MUC5B: variants seen among roughly 807,000 people sequenced by gnomAD.
MUC5B encodes mucin 5B, oligomeric mucus/gel-forming.
A neutral mutation model predicts 376.9 loss-of-function variants in MUC5B; 116 were observed. That is an observed-to-expected ratio of 0.31 (90% CI 0.26 to 0.36). The LOEUF is 0.36. Among genes scored for constraint, MUC5B ranks in the 10% least tolerant of loss-of-function variants. The probability of loss-of-function intolerance (pLI) is 1.00; values close to 1 mark genes in which losing one functional copy is unlikely to be tolerated. For missense variants in MUC5B, 7,165 were observed against 7,769.9 expected, an observed-to-expected ratio of 0.92 and a Z score of 2.93; for synonymous variants, 3,517 against 3,390.9, an observed-to-expected ratio of 1.04 and a Z score of -1.29.
chr11:1,257,575 G>A lies in MUC5B; in HGVS notation c.16315G>A (p.Glu5439Lys), dbSNP rs747417132. 7 of 1,607,588 alleles carry A rather than the reference G, an allele frequency of 4.4e-6. No homozygotes were observed. In the South Asian group the frequency reaches 5.5e-5, roughly 13 times the overall value. The part of the protein sequence containing the change: ...VSNCQSCVCD[E>K]GSVSVQCKPL... ...CAACTGCCAGTCCTGCGTGTGTGAC[G>A]AGGGTTCAGTGTCGGTGCAGTGCAA... is the stretch of plus-strand genomic sequence containing the variant. The change falls in exon 41 of 49, where the codon GAG becomes AAG. Residue 5439 changes from glutamate (E) to lysine (K), a missense_variant. Transcript: ENST00000529681. This position sits in a 1 kb window ranked among gnomAD's most constrained non-coding sequence, Gnocchi z 8.9.
chr11:1,252,692 C>T (rs1404994633), intron 32 of MUC5B, 117 bp from the exon 33 acceptor site: 1 of 1,424,224 alleles, frequency 7.0e-7, no homozygotes, highest in Non-Finnish European at 9.4e-7. Flanking sequence ...ATGGGGGCCG[C>T]CCTCCTCAGG....
At position 1,244,222 on chromosome 11, in the gene MUC5B, T is replaced by A. The variant is rs1403595240; in HGVS notation, c.7342T>A (p.Ser2448Thr). 11 of 1,608,604 alleles carry A rather than the reference T, an allele frequency of 6.8e-6. No individual in the cohort carries two copies. In the African/African-American group the frequency reaches 1.4e-4, roughly 20 times the overall value. Reference protein sequence around the residue: ...ELTTTATTTESTGSTATPSST... With the variant: ...ELTTTATTTETTGSTATPSST... Reference sequence around the variant, plus strand: ...GACCACAACAGCCACTACGACTGAGTCCACTGGATCCACGGCCACCCCGTC... The same window carrying A: ...GACCACAACAGCCACTACGACTGAGACCACTGGATCCACGGCCACCCCGTC... The change falls in exon 31 of 49, where the codon TCC becomes ACC. Residue 2448 changes from serine to threonine, a missense_variant. Around this residue, in one of 31 missense-constraint regions of MUC5B, gnomAD observed 194 missense variants for 268.5 expected, o/e 0.72. Coordinates refer to ENST00000529681, the MANE Select transcript of MUC5B (RefSeq NM_002458.3).
rs1179572666 is a variant in MUC5B at position 1,251,543 on chromosome 11, C to A, written c.14663C>A (p.Thr4888Lys). The A allele has an allele frequency of 1.9e-6, 3 of 1,601,846 alleles. No individual in the cohort carries two copies. Among genetic ancestry groups the A allele is most frequent in the Non-Finnish European group, 2.6e-6 (3 of 1,172,652 alleles). The change falls in exon 31 of 49, where the codon ACA becomes AAA. Residue 4888 changes from threonine (T) to lysine (K), a missense_variant. Physicochemically the swap from Thr to Lys is moderately conservative, Grantham distance 78. Coordinates refer to ENST00000529681, the MANE Select transcript of MUC5B (RefSeq NM_002458.3). ...KVVTTMATMP[T>K]ATASTVPSSS... ...GTGACCACCATGGCCACTATGCCCA[C>A]AGCCACTGCCTCCACGGTTCCCAGC...
Position 1,248,070 on chromosome 11 carries a change from C to T in MUC5B, c.11190C>T (p.Thr3730=), listed in dbSNP as rs570124204. The T allele has an allele frequency of 1.1e-4, 176 of 1,604,168 alleles. 1 individual carries two copies. Among genetic ancestry groups the T allele is most frequent in the Non-Finnish European group, 1.3e-4 (150 of 1,176,180 alleles). ...TCACAGAGCCGAGCACTACAGCCAC[C>T]GTGACGGTGCCCACCGGATCCACGG... ...WILTEPSTTA[T]VTVPTGSTAT... The change falls in exon 31 of 49, where the codon ACC becomes ACT. Residue 3730 remains threonine (T), a synonymous_variant. Transcript: ENST00000529681.
Position 1,245,960 on chromosome 11 carries a change from G to A in MUC5B, c.9080G>A (p.Ser3027Asn), listed in dbSNP as rs371667235. The change falls in exon 31 of 49, where the codon AGC (serine) becomes AAC (asparagine). Residue 3027 changes from serine to asparagine, a missense_variant. Physicochemically the swap from Ser to Asn is conservative, Grantham distance 46. Around this residue, in one of 31 missense-constraint regions of MUC5B, gnomAD observed 939 missense variants for 770.6 expected, o/e 1.22. Coordinates refer to ENST00000529681, the MANE Select transcript of MUC5B (RefSeq NM_002458.3). Reference sequence around the variant, plus strand: ...GCTCCCCCTCCCAAAGTGCTGACCAGCACGGCCACCACACCCACAGCCACC... The same window carrying A: ...GCTCCCCCTCCCAAAGTGCTGACCAACACGGCCACCACACCCACAGCCACC... ...GTAPPPKVLTSTATTPTATSS... is the reference protein window; with the variant it reads ...GTAPPPKVLTNTATTPTATSS... The A allele has an allele frequency of 3.1e-6, 5 of 1,610,542 alleles. No individual in the cohort carries two copies. The African/African-American group carries it at 6.8e-5, about 22-fold the overall frequency.
In MUC5B at chr11:1,252,395, G is replaced by A. The variant is rs779918870; in HGVS notation, c.14916G>A (p.Val4972=). The change falls in exon 32 of 49, where the codon GTG becomes GTA. Residue 4972 remains valine, a synonymous_variant. Coordinates refer to ENST00000529681, the MANE Select transcript of MUC5B (RefSeq NM_002458.3). The part of the protein sequence containing the change: ...TDRAGCHFYA[V]CNQHCDIDRF... ...GAGCCGGCTGCCATTTCTACGCAGT[G>A]TGCAATCAGCACTGTGACATTGACC... 4 of 1,607,560 alleles carry A rather than the reference G, an allele frequency of 2.5e-6. No homozygotes were observed. The South Asian group carries it at 3.3e-5, about 13-fold the overall frequency.
Position 1,242,805 on chromosome 11 carries a change from C to T in MUC5B, c.5925C>T (p.Pro1975=). 6.2e-7 allele frequency: 1 copy of T among 1,613,654 alleles called. No homozygotes were observed. The highest frequency in any genetic ancestry group is 2.2e-5 in the East Asian group (1 of 44,876). Residue 1975 remains proline (P), a synonymous_variant, in exon 31 of 49, where the codon CCC becomes CCT. Coordinates refer to ENST00000529681, the MANE Select transcript of MUC5B (RefSeq NM_002458.3). The part of the protein sequence containing the change: ...LPALRSTATT[P]TATSVTPIPS... ...CACTGAGAAGCACAGCCACCACACC[C>T]ACAGCTACCAGCGTTACACCCATCC...
chr11:1,259,881 T>C (rs1272441093), intron 45 of MUC5B, 39 bp downstream of exon 45: 1 of 1,611,726 alleles, frequency 6.2e-7, no homozygotes, highest in African/African-American at 1.3e-5. Context: ...CTCAGCTCCC[T>C]CCCTGGAGAC....
rs1461509578 is a variant in MUC5B at position 1,234,110 on chromosome 11, A to G, written c.2378-95A>G. 9.2e-7 allele frequency: 1 copy of G among 1,081,440 alleles called. No homozygotes were observed. The highest frequency in any genetic ancestry group is 1.4e-6 in the Non-Finnish European group (1 of 729,840). The allele number at this position is 1,081,440 out of a possible 1,614,324, so 67.0% of individuals were successfully genotyped here. On this transcript the variant is annotated intron_variant, in intron 19 of 48. Transcript: ENST00000529681. The surrounding 1 kb of genome is among the most constrained non-coding windows in gnomAD (Gnocchi z 6.3). ...GGAAGCTTTGGCTCGGGGGCTGTTAACTTGATCAGCAGGACAGGCTCAGGG... is the reference window on the plus strand; with the variant it reads ...GGAAGCTTTGGCTCGGGGGCTGTTAGCTTGATCAGCAGGACAGGCTCAGGG...
In MUC5B at chr11:1,255,544, C is replaced by G. The variant is rs1011581764; in HGVS notation, c.16052C>G (p.Thr5351Ser). Residue 5351 changes from threonine to serine, a missense_variant, in exon 37 of 49, where the codon ACC becomes AGC. Physicochemically the swap from Thr to Ser is moderately conservative, Grantham distance 58. Transcript: ENST00000529681. ...RGVCSDWRGA[T>S]GGLCDLTCPP... Reference sequence around the variant, plus strand: ...GTGTGCAGTGACTGGCGAGGTGCAACCGGTGGCCTGTGCGGTGAGTGGGGG... The same window carrying G: ...GTGTGCAGTGACTGGCGAGGTGCAAGCGGTGGCCTGTGCGGTGAGTGGGGG... The G allele has an allele frequency of 6.5e-7, 1 of 1,535,336 alleles. No homozygotes were observed. The highest frequency in any genetic ancestry group is 1.4e-5 in the African/African-American group (1 of 72,688).
chr11:1,223,636 AG>A (rs1861809240), intron 1 of MUC5B, among the ~76,000 whole-genome samples: 1 of 152,122 alleles, frequency 6.6e-6, no homozygotes, highest in Non-Finnish European at 1.5e-5. Flanking sequence ...TGGGGATCAC[AG>A]CTGGCAGGGC....
In MUC5B at chr11:1,257,637, G is replaced by T; in HGVS notation, c.16377G>T (p.Pro5459=). The T allele has an allele frequency of 6.3e-7, 1 of 1,598,674 alleles. No homozygotes were observed. The highest frequency in any genetic ancestry group is 8.5e-7 in the Non-Finnish European group (1 of 1,178,108). Residue 5459 remains proline (P), a synonymous_variant, in exon 41 of 49, where the codon CCG becomes CCT. Transcript: ENST00000529681. The surrounding 1 kb of genome is among the most constrained non-coding windows in gnomAD (Gnocchi z 8.9). ...LPCDAQGQPP[P]CNRPGFVTVT... ...GTGACGCCCAGGGTCAGCCCCCGCC[G>T]TGCAACCGTCCCGGCTTCGTAACCG...
In MUC5B at chr11:1,248,168, C is replaced by T. The variant is rs4963055; in HGVS notation, c.11288C>T (p.Thr3763Ile). Reference protein sequence around the residue: ...VSTTATTPTVTSSKATPFSSP... With the variant: ...VSTTATTPTVISSKATPFSSP... ...ACCACGGCCACGACACCCACAGTCACCAGCTCCAAAGCCACTCCCTTCTCC... is the reference window on the plus strand; with the variant it reads ...ACCACGGCCACGACACCCACAGTCATCAGCTCCAAAGCCACTCCCTTCTCC... Residue 3763 changes from threonine (T) to isoleucine (I), a missense_variant, in exon 31 of 49, where the codon ACC becomes ATC. By Grantham distance (89) the Thr-to-Ile change is moderately conservative (BLOSUM62 -1). Transcript: ENST00000529681. 0.31 allele frequency: 493,828 copies of T among 1,585,764 alleles called. 81,101 individuals are homozygous for T. The highest frequency in any genetic ancestry group is 0.6 in the East Asian group (26,435 of 44,170).
chr11:1,254,250 ACTGCCG>A lies in MUC5B; in HGVS notation c.15384_15389del (p.Ala5129_Ala5130del), dbSNP rs56032431. 8 of 1,612,334 alleles carry A rather than the reference ACTGCCG, an allele frequency of 5.0e-6. No individual in the cohort carries two copies. Among genetic ancestry groups the A allele is most frequent in the Non-Finnish European group, 6.8e-6 (8 of 1,179,852 alleles). On this transcript the variant is annotated inframe_deletion, in exon 34 of 49. Coordinates refer to ENST00000529681, the MANE Select transcript of MUC5B (RefSeq NM_002458.3). ...CAACCACTACTGCACGGCCTCTGCC[ACTGCCG>A]CTGCCGCCCGCTGCCCCCGCGCCCT...
In MUC5B at chr11:1,237,649, C is replaced by T. The variant is rs55757107; in HGVS notation, c.3297+485C>T. 1.7e-4 allele frequency among the ~76,000 whole-genome samples: 26 copies of T among 152,298 alleles called. No homozygotes were observed. The East Asian group carries it at 5.0e-3, about 29-fold the overall frequency. On this transcript the variant is annotated intron_variant, in intron 25 of 48. Transcript: ENST00000529681. ...CTTTGGGACGCTGAGGCAGGTGGATCACCTGAGGTCAGGAGTTTGAGACCA... is the reference window on the plus strand; with the variant it reads ...CTTTGGGACGCTGAGGCAGGTGGATTACCTGAGGTCAGGAGTTTGAGACCA...
chr11:1,240,944 G>T lies in MUC5B; in HGVS notation c.4064G>T (p.Gly1355Val), dbSNP rs1193147525. The T allele has an allele frequency of 1.2e-6, 2 of 1,613,186 alleles. No individual in the cohort carries two copies. The highest frequency in any genetic ancestry group is 3.3e-5 in the Admixed American group (2 of 60,008). Reference sequence around the variant, plus strand: ...CACCGCCCAGAGCCCGGCCTGGGAGGCGGAGACTTTGAGACGTTTGAAAAC... The same window carrying T: ...CACCGCCCAGAGCCCGGCCTGGGAGTCGGAGACTTTGAGACGTTTGAAAAC... ...NGHRPEPGLG[G>V]GDFETFENLR... is the part of the protein sequence containing the mutation. Residue 1355 changes from glycine to valine, a missense_variant, in exon 31 of 49, where the codon GGC (glycine) becomes GTC (valine). Gly to Val is a moderately radical substitution (Grantham distance 109, BLOSUM62 -3). Coordinates refer to ENST00000529681, the MANE Select transcript of MUC5B (RefSeq NM_002458.3).
rs368307298 is a variant in MUC5B, at chr11:1,247,970, C to G, written c.11090C>G (p.Thr3697Ser). The change falls in exon 31 of 49, where the codon ACC becomes AGC. Residue 3697 changes from threonine to serine, a missense_variant. Coordinates refer to ENST00000529681, the MANE Select transcript of MUC5B (RefSeq NM_002458.3). ...PGTTWILTKL[T>S]TTATTTESTG... is the part of the protein sequence containing the mutation. ...ACGACCTGGATCCTCACAAAGCTGA[C>G]CACAACAGCCACTACGACTGAGTCC... 26 of 1,610,832 alleles carry G rather than the reference C, an allele frequency of 1.6e-5. No individual in the cohort carries two copies. Among genetic ancestry groups the G allele is most frequent in the Non-Finnish European group, 2.0e-5 (24 of 1,177,958 alleles).
At chr11:1,231,301 A>G (rs1384443641) in intron 13 of MUC5B, 122 bp from the exon 14 acceptor site, 11 of 1,230,936 alleles carry the variant, frequency 8.9e-6, no homozygotes, top group Non-Finnish European at 1.2e-5. Flanking sequence ...GCTCCTGGCC[A>G]CTCCTGGGTC....
rs1481823307 is a variant in MUC5B at position 1,250,143 on chromosome 11, C to T, written c.13263C>T (p.Leu4421=). 3.1e-6 allele frequency: 5 copies of T among 1,611,518 alleles called. No homozygotes were observed. Among genetic ancestry groups the T allele is most frequent in the Non-Finnish European group, 4.2e-6 (5 of 1,178,772 alleles). ...PSSTPGTTWI[L]TELTTTATTT... Reference sequence around the variant, plus strand: ...CCACCCCAGGGACCACCTGGATCCTCACAGAGCTGACCACAACAGCCACTA... The same window carrying T: ...CCACCCCAGGGACCACCTGGATCCTTACAGAGCTGACCACAACAGCCACTA... Residue 4421 remains leucine, a synonymous_variant, in exon 31 of 49, where the codon CTC becomes CTT. Transcript: ENST00000529681.
Sources: allele counts gnomAD v4.1 joint callset (sites outside exome capture counted in the v4.1 genomes callset), GRCh38; gene constraint gnomAD v4.1.1; regional missense constraint gnomAD v4.1.1; non-coding constraint Gnocchi (gnomAD v3.1); transcripts MANE v1.5; gene names NCBI Gene and HGNC (gene_info 2026-07-23, HGNC 2026-07-21).